The following HEPH variants were observed in gnomAD, a reference collection of about 807,000 sequenced individuals.
HEPH encodes the protein hephaestin.
Under a neutral mutation model 80.8 loss-of-function variants are expected in HEPH, and 69 were observed. The observed-to-expected ratio is 0.85, with a 90% CI of 0.70 to 1.04. HEPH has a LOEUF of 1.04. Among genes scored for constraint, HEPH ranks in the 50% least tolerant of loss-of-function variants. The pLI, the probability that HEPH is intolerant of heterozygous loss-of-function variation, is 0.00. For synonymous variants in HEPH, 431 were observed against 322.8 expected, an observed-to-expected ratio of 1.34 and a Z score of -3.60; for missense variants, 1,115 against 891.3, an observed-to-expected ratio of 1.25 and a Z score of -3.20.
intron 19 of HEPH, among the ~76,000 whole-genome samples, chrX:66,262,862 GGTT>G (rs1408147885): frequency 9.0e-6 from 1 of 111,672 alleles, no homozygotes. Context: ...AAGGATGGGA[GGTT>G]GTTGTTAGAT....
rs754214078 is a variant in HEPH at position 66,168,501 on chromosome X, G to A, written c.-13-2057G>A. Among the ~76,000 whole-genome samples the A allele has an allele frequency of 8.1e-5, 9 of 111,477 alleles. No individual in the cohort carries two copies. The East Asian group carries it at 2.5e-3, about 31-fold the overall frequency. On this transcript the variant is annotated intron_variant, in intron 1 of 20. Transcript: ENST00000343002. ...ACACAGCTGGTCAGTGGGAGAGCCAGGTTTTGGAAAAAAGGACCCCAAAAC... is the reference window on the plus strand; with the variant it reads ...ACACAGCTGGTCAGTGGGAGAGCCAAGTTTTGGAAAAAAGGACCCCAAAAC...
chrX:66,179,754 G>T (rs767471940), intron 4 of HEPH, among the ~76,000 whole-genome samples: 1 of 110,744 alleles, frequency 9.0e-6, no homozygotes, highest in East Asian at 2.8e-4. Flanking sequence ...TTATAAATTT[G>T]GGAGCTCCAG....
intron 4 of HEPH, among the ~76,000 whole-genome samples, chrX:66,179,139 G>A (rs960289142): frequency 5.4e-5 from 6 of 112,058 alleles, no homozygotes; most frequent in African/African-American, 9.7e-5. Flanking sequence ...GTAAGGAAGG[G>A]ATCCAGTTTC....
intron 4 of HEPH, among the ~76,000 whole-genome samples, chrX:66,180,080 G>A (rs1333198528): frequency 9.0e-6 from 1 of 110,893 alleles, no homozygotes; most frequent in African/African-American, 3.3e-5. Context: ...TACATTCAAT[G>A]TTAGTATTGA....
At chrX:66,265,227 A>G (rs1202106349) in intron 20 of HEPH, among the ~76,000 whole-genome samples, 3 of 111,000 alleles carry the variant, frequency 2.7e-5, no homozygotes, top group Non-Finnish European at 5.7e-5. Context: ...ATGAACAATC[A>G]TCAAACAAGT....
chrX:66,209,807 A>T (rs1410291375), intron 15 of HEPH, among the ~76,000 whole-genome samples: 1 of 111,760 alleles, frequency 8.9e-6, no homozygotes, highest in Non-Finnish European at 1.9e-5. Context: ...GAGAAAGGTG[A>T]CTTGAGATGG....
rs1490265150 is a variant in HEPH, at chrX:66,224,583, G to A, written c.2563+16337G>A. ...GTTATTTTTTTACTTTTTTCTGTTA[G>A]CAAAGCTCTTGCTGCTATAGATTGA... On this transcript the variant is annotated intron_variant, in intron 15 of 20. Coordinates refer to ENST00000343002, the MANE Select transcript of HEPH (RefSeq NM_001367233.3). Among the ~76,000 whole-genome samples the A allele has an allele frequency of 3.6e-5, 4 of 111,946 alleles. 1 individual carries two copies. The highest frequency in any genetic ancestry group is 7.5e-4 in the South Asian group (2 of 2,677).
intron 4 of HEPH, among the ~76,000 whole-genome samples, chrX:66,179,933 A>T (rs1347696122): frequency 1.8e-5 from 2 of 111,279 alleles, no homozygotes; most frequent in African/African-American, 6.5e-5. Flanking sequence ...TTTGCACGAA[A>T]TGCCTATTTC....
rs948779615 is a variant in HEPH at position 66,197,578 on chromosome X, C to A, written c.1502-105C>A. 3.6e-5 allele frequency: 22 copies of A among 618,245 alleles called. No homozygotes were observed. In the African/African-American group the frequency reaches 4.2e-4, roughly 12 times the overall value. The allele number at this position is 618,245 out of a possible 1,213,427, so 51.0% of individuals were successfully genotyped here. A position where few individuals can be genotyped will look rare whatever the true frequency, so the allele number is the denominator to read the frequency against. ...TCAATATTCCATGTTGCTGCTACTG[C>A]TGCTCCAAAATGCCTTTGTAGTTCA... On this transcript the variant is annotated intron_variant, in intron 9 of 20. Coordinates refer to ENST00000343002, the MANE Select transcript of HEPH (RefSeq NM_001367233.3).
chrX:66,256,015 G>C (rs1240211991), intron 16 of HEPH, 90 bp from the exon 17 acceptor site: 5 of 585,014 alleles, frequency 8.5e-6, no homozygotes, highest in East Asian at 3.4e-5. Flanking sequence ...GGCACAGTGG[G>C]CTTGTATGAG....
intron 15 of HEPH, among the ~76,000 whole-genome samples, chrX:66,235,904 C>A (rs2090343004): frequency 1.8e-5 from 2 of 110,913 alleles, no homozygotes; most frequent in Admixed American, 9.6e-5. Flanking sequence ...AATGGAATAG[C>A]ATTCCTGATT....
intron 19 of HEPH, 143 bp downstream of exon 19, chrX:66,260,405 G>T: frequency 2.3e-6 from 1 of 440,555 alleles, no homozygotes; most frequent in South Asian, 4.4e-5. Context: ...CCTCCCTCTA[G>T]GTATTGCCCC....
At chrX:66,256,476 G>T in intron 17 of HEPH, 146 bp downstream of exon 17, 1 of 451,765 alleles carries the variant, frequency 2.2e-6, no homozygotes, top group Non-Finnish European at 3.8e-6. Flanking sequence ...GTTAGAAGAA[G>T]CATTTCCTAT....
At chrX:66,181,033 A>C (rs1456571777) in intron 4 of HEPH, among the ~76,000 whole-genome samples, 4 of 84,620 alleles carry the variant, frequency 4.7e-5, no homozygotes, top group Admixed American at 2.7e-4. Flanking sequence ...TGAACTCATC[A>C]TTTTTTATGG....
At chrX:66,216,898 T>C (rs886273141) in intron 15 of HEPH, among the ~76,000 whole-genome samples, 4 of 111,551 alleles carry the variant, frequency 3.6e-5, no homozygotes, top group Admixed American at 2.9e-4. Flanking sequence ...CAAAATGCAC[T>C]GAAAAGTCAC....
At chrX:66,172,088 CTT>C (rs2086619035) in intron 2 of HEPH, among the ~76,000 whole-genome samples, 1 of 112,283 alleles carries the variant, frequency 8.9e-6, no homozygotes, top group South Asian at 3.7e-4. Context: ...TTGGTTGTCT[CTT>C]TGTTACTGCA....
chrX:66,190,953 A>G (rs1487946412), intron 6 of HEPH, among the ~76,000 whole-genome samples: 1 of 111,940 alleles, frequency 8.9e-6, no homozygotes, highest in Non-Finnish European at 1.9e-5. Context: ...TCCTCGTTCC[A>G]TCACTTGTTT....
At chrX:66,170,766 G>T in intron 2 of HEPH, 29 bp downstream of exon 2, 1 of 1,154,170 alleles carries the variant, frequency 8.7e-7, no homozygotes, top group South Asian at 1.9e-5. Context: ...GGTATTTGAG[G>T]GGAAGTTATG....
chrX:66,214,644 A>C (rs1273478817), intron 15 of HEPH, among the ~76,000 whole-genome samples: 1 of 111,264 alleles, frequency 9.0e-6, no homozygotes, highest in Non-Finnish European at 1.9e-5. Context: ...TTCACATTCA[A>C]ATCTGTAATC....
Sources: gnomAD v4.1 joint callset for allele counts (sites outside exome capture counted in the v4.1 genomes callset) on GRCh38, gnomAD v4.1.1 for gene constraint, MANE v1.5 for transcripts, NCBI Gene and HGNC (gene_info 2026-07-23, HGNC 2026-07-21) for gene names.